Variants in CCDC178 observed in about 807,000 individuals in gnomAD.
CCDC178 encodes coiled-coil domain-containing protein 178.
Under a neutral mutation model 117.4 loss-of-function variants are expected in CCDC178, and 126 were observed. The ratio of observed to expected loss-of-function variants is 1.07; its 90% CI spans 0.93 to 1.24. CCDC178 has a LOEUF of 1.24. CCDC178 is among the 50% of genes most tolerant of loss of function. CCDC178 has a pLI of 0.00. For missense variants in CCDC178, 1,030 were observed against 986.9 expected, an observed-to-expected ratio of 1.04 and a Z score of -0.59; for synonymous variants, 283 against 313.4, an observed-to-expected ratio of 0.90 and a Z score of 1.02.
At chr18:32,990,042 A>T (rs1394776016) in intron 21 of CCDC178, among the ~76,000 whole-genome samples, 1 of 152,174 alleles carries the variant, frequency 6.6e-6, no homozygotes, top group Non-Finnish European at 1.5e-5. Context: ...TCAAATTATA[A>T]GATAATTTGA....
intron 17 of CCDC178, 78 bp downstream of exon 17, chr18:33,224,697 G>T: frequency 1.1e-6 from 1 of 943,740 alleles, no homozygotes; most frequent in Non-Finnish European, 1.5e-6. Context: ...TTTCCCAAAT[G>T]ATAATGTAAA....
intron 5 of CCDC178, among the ~76,000 whole-genome samples, chr18:33,386,407 A>C (rs1568193005): frequency 3.3e-5 from 5 of 151,840 alleles, no homozygotes; most frequent in East Asian, 3.9e-4. Context: ...ACAACAACAA[A>C]AACAACAACA....
At chr18:33,417,093 C>T (rs978573632) in intron 2 of CCDC178, among the ~76,000 whole-genome samples, 22 of 152,126 alleles carry the variant, frequency 1.4e-4, no homozygotes, top group Admixed American at 5.2e-4. Flanking sequence ...GCAGCAATTG[C>T]ACTCTTAAAC....
chr18:33,150,237 C>G (rs1201231574), intron 20 of CCDC178, among the ~76,000 whole-genome samples: 2 of 152,156 alleles, frequency 1.3e-5, no homozygotes, highest in East Asian at 3.9e-4. Context: ...AAAATCAACT[C>G]AAGATGGATC....
At chr18:32,961,271 C>T (rs754101329) in intron 22 of CCDC178, among the ~76,000 whole-genome samples, 4 of 152,036 alleles carry the variant, frequency 2.6e-5, no homozygotes, top group Non-Finnish European at 5.9e-5. Flanking sequence ...ATATTTTCAA[C>T]TTTTATTAGA....
chr18:33,371,297 A>G (rs1187136259), intron 5 of CCDC178, among the ~76,000 whole-genome samples: 2 of 151,814 alleles, frequency 1.3e-5, no homozygotes, highest in Non-Finnish European at 1.5e-5. Flanking sequence ...ATATATGTGT[A>G]TATATATATA....
chr18:33,289,407 G>C (rs1455359800), intron 12 of CCDC178, among the ~76,000 whole-genome samples: 1 of 152,086 alleles, frequency 6.6e-6, no homozygotes, highest in Non-Finnish European at 1.5e-5. Flanking sequence ...CTGAGGTCAG[G>C]AGTTTGAGAC....
At chr18:33,169,445 C>T (rs2058571580) in intron 20 of CCDC178, among the ~76,000 whole-genome samples, 1 of 152,130 alleles carries the variant, frequency 6.6e-6, no homozygotes, top group Non-Finnish European at 1.5e-5. Context: ...GCTTCTATAA[C>T]CAGGAGGCAA....
At chr18:32,956,910 C>G (rs1259837645) in intron 22 of CCDC178, 2 of 152,142 alleles carry the variant, frequency 1.3e-5, no homozygotes, top group South Asian at 4.1e-4. Context: ...CAGGAGAAAA[C>G]ATTTCTGTAG....
chr18:33,258,731 T>C (rs1244019979), intron 14 of CCDC178, among the ~76,000 whole-genome samples: 3 of 152,178 alleles, frequency 2.0e-5, no homozygotes, highest in South Asian at 4.1e-4. Flanking sequence ...TCTTTAAATA[T>C]AAATATATTT....
At chr18:33,080,329 C>A (rs932755374) in intron 21 of CCDC178, among the ~76,000 whole-genome samples, 1 of 152,020 alleles carries the variant, frequency 6.6e-6, no homozygotes, top group African/African-American at 2.4e-5. Context: ...TGTTTAGTAC[C>A]GGTGTGACAA....
intron 7 of CCDC178, among the ~76,000 whole-genome samples, chr18:33,351,069 G>A (rs1213301716): frequency 1.3e-5 from 2 of 151,940 alleles, no homozygotes; most frequent in Non-Finnish European, 2.9e-5. Flanking sequence ...TACTAAAGGT[G>A]TGGGCTTGTG....
chr18:33,198,268 GTCTC>G (rs141603978), intron 20 of CCDC178, among the ~76,000 whole-genome samples: 7 of 151,808 alleles, frequency 4.6e-5, no homozygotes, highest in Admixed American at 2.6e-4. Context: ...GCCTCTCTCT[GTCTC>G]TCTCTCTCTA....
intron 11 of CCDC178, among the ~76,000 whole-genome samples, chr18:33,313,957 T>G (rs1028420058): frequency 6.6e-6 from 1 of 151,712 alleles, no homozygotes; most frequent in Non-Finnish European, 1.5e-5. Flanking sequence ...TCCCAGCACT[T>G]TGGGAGGCCG....
At chr18:33,039,971 C>T (rs2056517407) in intron 21 of CCDC178, among the ~76,000 whole-genome samples, 2 of 151,574 alleles carry the variant, frequency 1.3e-5, no homozygotes, top group African/African-American at 4.8e-5. Flanking sequence ...CGATAACAAC[C>T]ACAAGAAAAT....
intron 20 of CCDC178, among the ~76,000 whole-genome samples, chr18:33,140,412 T>C (rs1200544838): frequency 6.6e-6 from 1 of 152,098 alleles, no homozygotes; most frequent in Non-Finnish European, 1.5e-5. Context: ...GGAGGGAAGT[T>C]GTACCCTGCA....
At chr18:33,099,277 A>G (rs762608928) in intron 20 of CCDC178, among the ~76,000 whole-genome samples, 3 of 152,066 alleles carry the variant, frequency 2.0e-5, no homozygotes, top group Non-Finnish European at 2.9e-5. Flanking sequence ...TTTCAATAGT[A>G]TATGATCCTG....
intron 5 of CCDC178, among the ~76,000 whole-genome samples, chr18:33,388,881 C>T (rs868808059): frequency 1.3e-5 from 2 of 151,894 alleles, no homozygotes; most frequent in African/African-American, 4.8e-5. Context: ...AGCAAACTAA[C>T]GCAGGAACAG....
chr18:33,156,224 G>T (rs966269929), intron 20 of CCDC178, among the ~76,000 whole-genome samples: 1 of 151,342 alleles, frequency 6.6e-6, no homozygotes, highest in East Asian at 2.0e-4. Flanking sequence ...GAGTAGCTGG[G>T]ATTAAAGGCA....
Sources: gnomAD v4.1 joint callset for allele counts (sites outside exome capture counted in the v4.1 genomes callset) on GRCh38, gnomAD v4.1.1 for gene constraint, MANE v1.5 for transcripts, NCBI Gene and HGNC (gene_info 2026-07-23, HGNC 2026-07-21) for gene names.